Variants in ZDHHC24 observed in about 807,000 individuals in gnomAD.
ZDHHC24 encodes the protein probable palmitoyltransferase ZDHHC24.
ZDHHC24 carries 17 observed loss-of-function variants against 23.2 expected under a neutral mutation model. That is an observed-to-expected ratio of 0.73 (90% CI 0.50 to 1.10). ZDHHC24 has a LOEUF of 1.10. Ranked by LOEUF, ZDHHC24 falls within the 50% of genes least tolerant of loss-of-function variation. The pLI, the probability that ZDHHC24 is intolerant of heterozygous loss-of-function variation, is 0.00. For synonymous variants in ZDHHC24, 186 were observed against 194.5 expected (o/e 0.96, Z 0.36); for missense variants, 366 against 393.0 (o/e 0.93, Z 0.58).
rs1393658942 is a variant in ZDHHC24, at chr11:66,530,071, C to T, written c.560-583G>A. ...ATTCCAAGCCAACTCAGCCCGTGCT[C>T]CCCATCACCTTCCCGCAGACCTGGG... On this transcript the variant is annotated intron_variant, in intron 2 of 4. Coordinates refer to the ZDHHC24 transcript ENST00000526986. 3 of 1,408,110 alleles carry T rather than the reference C, an allele frequency of 2.1e-6. No homozygotes were observed. The African/African-American group carries it at 4.3e-5, about 20-fold the overall frequency. 87.2% of individuals were successfully genotyped at this position (1,408,110 alleles called of 1,614,324 possible).
chr11:66,527,439 G>C, intron 3 of ZDHHC24: 1 of 255,576 alleles, frequency 3.9e-6, no homozygotes, highest in Non-Finnish European at 7.7e-6. Flanking sequence ...GGGAGGCGGA[G>C]ATGGGCAGAT....
At chr11:66,531,468 A>T (rs1342800287), downstream of ZDHHC24, among the ~76,000 whole-genome samples, 1 of 152,116 alleles carries the variant, frequency 6.6e-6, no homozygotes, top group Non-Finnish European at 1.5e-5. Context: ...TCTAGGTTTC[A>T]TCACTCACCA....
chr11:66,541,741 G>C (rs925393524), intron 2 of ZDHHC24, among the ~76,000 whole-genome samples: 4 of 152,148 alleles, frequency 2.6e-5, no homozygotes, highest in Non-Finnish European at 2.9e-5. Flanking sequence ...CGCTTCACGG[G>C]GGCTGGGGGC....
intron 4 of ZDHHC24, chr11:66,523,348 G>A: frequency 6.7e-7 from 1 of 1,490,392 alleles, no homozygotes; most frequent in Non-Finnish European, 9.4e-7. Context: ...TCTGCTTTGG[G>A]GCCAGTGTTC....
At chr11:66,539,957 C>T in intron 2 of ZDHHC24, 133 bp from the exon 3 acceptor site, 1 of 918,400 alleles carries the variant, frequency 1.1e-6, no homozygotes, top group Non-Finnish European at 1.5e-6. Flanking sequence ...GCTGGCCAGC[C>T]CGTGCTGGGT....
chr11:66,539,932 C>T, intron 2 of ZDHHC24, 108 bp from the exon 3 acceptor site: 1 of 1,178,636 alleles, frequency 8.5e-7, no homozygotes, highest in Non-Finnish European at 1.1e-6. Context: ...CTCAGCAAAC[C>T]CTGTGTCGAT....
rs376347736 is a variant in ZDHHC24, at chr11:66,539,690, G to C, written c.694C>G (p.Arg232Gly). ...CCCAGGTCATAGGAGTGCTGGCCCCGAGCCCACTCCCATGTGGTCTGGCCC... is the reference window on the plus strand; with the variant it reads ...CCCAGGTCATAGGAGTGCTGGCCCCCAGCCCACTCCCATGTGGTCTGGCCC... The part of the protein sequence containing the change: ...LRGQTTWEWA[R>G]GQHSYDLGPC... Residue 232 changes from arginine (R) to glycine (G), a missense_variant, in exon 3 of 3, where the codon CGG (arginine) becomes GGG (glycine). Arg to Gly is a moderately radical substitution (Grantham distance 125). Coordinates refer to ENST00000310442, the MANE Select transcript of ZDHHC24 (RefSeq NM_207340.3). 3.1e-6 allele frequency: 5 copies of C among 1,611,438 alleles called. No individual in the cohort carries two copies. Among genetic ancestry groups the C allele is most frequent in the Non-Finnish European group, 4.2e-6 (5 of 1,179,580 alleles).
chr11:66,523,879 C>G lies in ZDHHC24; in HGVS notation c.*22-2413G>C. 6.2e-7 allele frequency: 1 copy of G among 1,613,020 alleles called. No individual in the cohort carries two copies. The highest frequency in any genetic ancestry group is 8.5e-7 in the Non-Finnish European group (1 of 1,180,030). ...AGGCCCTGCTCAATGTCATCCACAC[C>G]CCGGTGAGCCCCATCTCCGGCATCT... On this transcript the variant is annotated intron_variant, in intron 4 of 4. Transcript: ENST00000526986.
chr11:66,534,494 GAA>G (rs761892826), downstream of ZDHHC24, among the ~76,000 whole-genome samples: 2 of 53,338 alleles, frequency 3.7e-5, no homozygotes, highest in Non-Finnish European at 8.6e-5. Flanking sequence ...CAAAAGAAAA[GAA>G]AAAAAAAAAA....
intron 4 of ZDHHC24, chr11:66,523,751 C>T (rs1489674587): frequency 1.2e-5 from 19 of 1,612,346 alleles, no homozygotes; most frequent in Non-Finnish European, 1.6e-5. Context: ...AGTGCAGATG[C>T]CCGCAGCCAT....
intron 4 of ZDHHC24, chr11:66,521,641 C>T: frequency 2.2e-6 from 1 of 451,948 alleles, no homozygotes; most frequent in Non-Finnish European, 4.1e-6. Flanking sequence ...CGCTGTGGCT[C>T]ACGCCTGTAA....
intron 4 of ZDHHC24, chr11:66,526,835 T>C (rs374846440): frequency 5.6e-6 from 9 of 1,614,160 alleles, no homozygotes; most frequent in Non-Finnish European, 6.8e-6. Context: ...TCCTTTCCCT[T>C]CTTCCTCCTC....
In ZDHHC24 at chr11:66,545,683, G is replaced by A; in HGVS notation, c.281+40C>T. 6.8e-7 allele frequency: 1 copy of A among 1,464,962 alleles called. No homozygotes were observed. Among genetic ancestry groups the A allele is most frequent in the Non-Finnish European group, 9.0e-7 (1 of 1,112,702 alleles). 90.7% of individuals were successfully genotyped at this position (1,464,962 alleles called of 1,614,324 possible). On this transcript the variant is annotated intron_variant, in intron 1 of 2. Coordinates refer to ENST00000310442, the MANE Select transcript of ZDHHC24 (RefSeq NM_207340.3). This position sits in a 1 kb window ranked among gnomAD's most constrained non-coding sequence, Gnocchi z 4.5. ...CTTGGGGCCCCTCCCCCCTGTCCAA[G>A]GCTCCCACTTCTCCCCGCCCGATCC...
At chr11:66,526,573 T>G in intron 4 of ZDHHC24, 2 of 1,583,314 alleles carry the variant, frequency 1.3e-6, no homozygotes, top group Non-Finnish European at 1.7e-6. Context: ...AGGAGGCAGA[T>G]TGTTTGGGGA....
Position 66,525,457 on chromosome 11 carries a change from T to C in ZDHHC24, c.*21+1479A>G, listed in dbSNP as rs1230692404. Among the ~76,000 whole-genome samples the C allele has an allele frequency of 2.0e-5, 3 of 150,900 alleles. No homozygotes were observed. In the Admixed American group the frequency reaches 2.0e-4, roughly 10 times the overall value. The stretch of plus-strand genomic sequence containing the variant: ...GGTGCATGCCTATAATCGCATCTAC[T>C]GGGAAGGCCGAGGCAGAATCACTTG... On this transcript the variant is annotated intron_variant, in intron 4 of 4. Transcript: ENST00000526986.
chr11:66,544,126 G>A (rs1857240535), intron 1 of ZDHHC24, 145 bp from the exon 2 acceptor site: 10 of 1,115,414 alleles, frequency 9.0e-6, no homozygotes, highest in Non-Finnish European at 1.3e-5. Context: ...GTAAATGCAG[G>A]CTAAACAAGA....
exon 3 of ZDHHC24, chr11:66,529,327 C>T (rs980310697): frequency 4.6e-6 from 7 of 1,535,862 alleles, no homozygotes; most frequent in South Asian, 1.2e-5. Context: ...GGCTGGTTTC[C>T]GCAGCATTGA....
At chr11:66,528,925 G>A (rs1419584776) in intron 3 of ZDHHC24, 6 of 302,580 alleles carry the variant, frequency 2.0e-5, no homozygotes, top group East Asian at 2.0e-4. Flanking sequence ...CTGAGATCAC[G>A]CCATTGCACT....
intron 2 of ZDHHC24, among the ~76,000 whole-genome samples, chr11:66,540,175 T>TG (rs1011155340): frequency 5.3e-5 from 8 of 151,750 alleles, no homozygotes; most frequent in South Asian, 2.1e-4. Context: ...CCCAGCACTT[T>TG]GGGGGGGCGA....
Sources: gnomAD v4.1 joint callset for allele counts (sites outside exome capture counted in the v4.1 genomes callset) on GRCh38, gnomAD v4.1.1 for gene constraint, Gnocchi (gnomAD v3.1) non-coding constraint, MANE v1.5 for transcripts, NCBI Gene and HGNC (gene_info 2026-07-23, HGNC 2026-07-21) for gene names.